The following NLRP14 variants were observed in gnomAD, a reference collection of about 807,000 sequenced individuals.
NLRP14 encodes the protein NLR family pyrin domain containing 14, also known as NACHT, LRR and PYD domains-containing protein 14.
NLRP14 carries 105 observed loss-of-function variants against 94.7 expected under a neutral mutation model. The ratio of observed to expected loss-of-function variants is 1.11; its 90% CI spans 0.95 to 1.30. The LOEUF (loss-of-function observed/expected upper bound fraction) is 1.30, where lower values mean the gene tolerates loss of function less well. Among genes scored for constraint, NLRP14 ranks in the 50% most tolerant of loss-of-function variants. The pLI is 0.00. For missense variants in NLRP14, 1,362 were observed against 1,254.1 expected, an observed-to-expected ratio of 1.09 and a Z score of -1.30; for synonymous variants, 508 against 459.9, an observed-to-expected ratio of 1.10 and a Z score of -1.34.
chr11:7,078,096 G>A, the NLRP14 span, among the ~76,000 whole-genome samples: 1 of 152,164 alleles, frequency 6.6e-6, no homozygotes, highest in Non-Finnish European at 1.5e-5. Context: ...AAAATTTTAT[G>A]TGCATTTTTA....
chr11:7,089,756 G>A, the NLRP14 span: 1 of 1,568,132 alleles, frequency 6.4e-7, no homozygotes, highest in Non-Finnish European at 8.6e-7. Flanking sequence ...CGCGGGATGA[G>A]GGCTACTCGT....
At chr11:7,074,596 C>G (rs551623740), downstream of NLRP14, among the ~76,000 whole-genome samples, 1 of 152,312 alleles carries the variant, frequency 6.6e-6, no homozygotes, top group East Asian at 1.9e-4. Flanking sequence ...GAAACCATTT[C>G]AGAGCATTAT....
At chr11:7,085,699 C>T in the NLRP14 span, among the ~76,000 whole-genome samples, 2 of 152,170 alleles carry the variant, frequency 1.3e-5, no homozygotes, top group Admixed American at 6.5e-5. Flanking sequence ...ATAACCTGTA[C>T]ATATTCTCTC....
chr11:7,043,377 G>C lies in NLRP14; in HGVS notation c.1351G>C (p.Gly451Arg). The change falls in exon 4 of 12, where the codon GGG (glycine) becomes CGG (arginine). Residue 451 changes from glycine to arginine, a missense_variant. Gly to Arg is a moderately radical substitution (Grantham distance 125). Transcript: ENST00000299481. The stretch of plus-strand genomic sequence containing the variant: ...TTACAGAGAAAATCTCAGAAGGCTT[G>C]GGTTAACTCAATCTGATGTCTCTAG... Reference protein sequence around the residue: ...VFYRENLRRLGLTQSDVSSFM... With the variant: ...VFYRENLRRLRLTQSDVSSFM... 1.2e-6 allele frequency: 2 copies of C among 1,614,164 alleles called. No homozygotes were observed. The highest frequency in any genetic ancestry group is 8.5e-7 in the Non-Finnish European group (1 of 1,180,026).
intron 2 of NLRP14, 127 bp from the exon 3 acceptor site, chr11:7,039,587 T>C (rs1035447400): frequency 6.2e-6 from 5 of 801,058 alleles, no homozygotes; most frequent in African/African-American, 1.7e-5. Context: ...CTGGCAGCTC[T>C]AGTTTTCTTA....
At chr11:7,046,885 C>G in intron 5 of NLRP14, 53 bp downstream of exon 5, 1 of 1,353,170 alleles carries the variant, frequency 7.4e-7, no homozygotes, top group Non-Finnish European at 1.1e-6. Flanking sequence ...CTTTCTGTGT[C>G]CCATCTTCCA....
At chr11:7,080,849 C>T in the NLRP14 span, among the ~76,000 whole-genome samples, 85 of 152,220 alleles carry the variant, frequency 5.6e-4, no homozygotes, top group East Asian at 0.015. Flanking sequence ...TGCTCCTGGC[C>T]GATTGTGGTC....
intron 1 of NLRP14, among the ~76,000 whole-genome samples, chr11:7,032,727 A>G (rs755815770): frequency 5.9e-5 from 9 of 152,272 alleles, no homozygotes; most frequent in Admixed American, 4.6e-4. Flanking sequence ...TTCCCCTTCT[A>G]TGAATAGGCT....
intron 1 of NLRP14, among the ~76,000 whole-genome samples, chr11:7,038,017 CAAG>C (rs60245790): frequency 0.048 from 7,264 of 152,064 alleles, 333 homozygotes; most frequent in African/African-American, 0.12. Context: ...AATGACATGA[CAAG>C]AAGAGGTAGA....
At chr11:7,036,190 A>G (rs773069802) in intron 1 of NLRP14, among the ~76,000 whole-genome samples, 1 of 152,254 alleles carries the variant, frequency 6.6e-6, no homozygotes, top group Non-Finnish European at 1.5e-5. Flanking sequence ...TAAAATCCTC[A>G]TAGACCATGG....
Position 7,071,177 on chromosome 11 carries a change from T to A in NLRP14, c.3151T>A (p.Cys1051Ser). 2 of 1,613,996 alleles carry A rather than the reference T, an allele frequency of 1.2e-6. No homozygotes were observed. The highest frequency in any genetic ancestry group is 1.7e-6 in the Non-Finnish European group (2 of 1,179,986). ...GATGTTCCCTTGTTTTCTCAGGTTGTGCAAAGAGGCATTTGATGAGGAAGC... is the reference window on the plus strand; with the variant it reads ...GATGTTCCCTTGTTTTCTCAGGTTGAGCAAAGAGGCATTTGATGAGGAAGC... ...PKCKLQVLGL[C>S]KEAFDEEAQK... Residue 1051 changes from cysteine to serine, a missense_variant, in exon 12 of 12, where the codon TGC becomes AGC. Physicochemically the swap from Cys to Ser is moderately radical, Grantham distance 112. Transcript: ENST00000299481.
intron 1 of NLRP14, among the ~76,000 whole-genome samples, chr11:7,032,813 G>T (rs907393889): frequency 6.6e-6 from 1 of 152,088 alleles, no homozygotes; most frequent in African/African-American, 2.4e-5. Flanking sequence ...ACATTTTCAA[G>T]ACAATATTTT....
chr11:7,063,900 G>T (rs1202089854), intron 10 of NLRP14, among the ~76,000 whole-genome samples: 1 of 152,056 alleles, frequency 6.6e-6, no homozygotes, highest in Non-Finnish European at 1.5e-5. Context: ...AAAATGAGCT[G>T]CCATTCTTTG....
rs114226055 is a variant in NLRP14 at position 7,042,061 on chromosome 11, C to T, written c.362-327C>T. 8.3e-3 allele frequency among the ~76,000 whole-genome samples: 1,250 copies of T among 151,322 alleles called. 15 individuals carry two copies. The highest frequency in any genetic ancestry group is 0.028 in the African/African-American group (1,164 of 41,294). ...ATCTGGATGACATCTCTGTTCTCCA[C>T]ATCTATTATCTTTTTTCTATGTAGA... On this transcript the variant is annotated intron_variant, in intron 3 of 11. Transcript: ENST00000299481.
intron 2 of NLRP14, 68 bp downstream of exon 2, chr11:7,038,943 G>A: frequency 6.7e-7 from 1 of 1,485,446 alleles, no homozygotes; most frequent in Non-Finnish European, 9.2e-7. Context: ...CCAGTGGAAT[G>A]TTTCTGTAAG....
chr11:7,030,858 G>A (rs1852081568), intron 1 of NLRP14, among the ~76,000 whole-genome samples: 1 of 152,226 alleles, frequency 6.6e-6, no homozygotes, highest in South Asian at 2.1e-4. Flanking sequence ...AAAGCAAGGA[G>A]GAAGGACGTG....
At chr11:7,065,920 C>G (rs956173336) in intron 10 of NLRP14, among the ~76,000 whole-genome samples, 3 of 152,082 alleles carry the variant, frequency 2.0e-5, no homozygotes, top group African/African-American at 7.2e-5. Flanking sequence ...CATGTGTTCT[C>G]ATTGTTCAAC....
chr11:7,084,081 G>A, the NLRP14 span, among the ~76,000 whole-genome samples: 1 of 152,148 alleles, frequency 6.6e-6, no homozygotes, highest in Non-Finnish European at 1.5e-5. Flanking sequence ...CATAGAGGTG[G>A]CCTTCCAAAT....
At chr11:7,079,972 G>A in the NLRP14 span, among the ~76,000 whole-genome samples, 1 of 152,138 alleles carries the variant, frequency 6.6e-6, no homozygotes, top group African/African-American at 2.4e-5. Context: ...GACAGCATGG[G>A]TAGCAGATGT....
Sources: gnomAD v4.1 joint callset for allele counts (sites outside exome capture counted in the v4.1 genomes callset) on GRCh38, gnomAD v4.1.1 for gene constraint, MANE v1.5 for transcripts, NCBI Gene and HGNC (gene_info 2026-07-23, HGNC 2026-07-21) for gene names.